Variants in FER observed in about 807,000 individuals in gnomAD.
The protein encoded by FER is FER tyrosine kinase, also known as tyrosine-protein kinase Fer.
In FER, 63 loss-of-function variants were observed where a neutral mutation model predicts 111.0. The ratio of observed to expected loss-of-function variants is 0.57; its 90% CI spans 0.46 to 0.70. The LOEUF is 0.70. Among genes scored for constraint, FER ranks in the 30% least tolerant of loss-of-function variants. FER has a pLI of 0.00. For missense variants in FER, 914 were observed against 954.0 expected, an observed-to-expected ratio of 0.96 and a Z score of 0.55; for synonymous variants, 327 against 313.9, an observed-to-expected ratio of 1.04 and a Z score of -0.44.
intron 13 of FER, among the ~76,000 whole-genome samples, chr5:109,011,327 C>T (rs116529225): frequency 0.028 from 4,313 of 152,108 alleles, 95 homozygotes; most frequent in Non-Finnish European, 0.041. Context: ...GTATGCACAA[C>T]GGAGGACCTC....
Position 108,912,716 on chromosome 5 carries a change from C to T in FER, c.1236+14868C>T, listed in dbSNP as rs533808478. 8.8e-4 allele frequency among the ~76,000 whole-genome samples: 134 copies of T among 152,078 alleles called. 1 individual carries two copies. Among genetic ancestry groups the T allele is most frequent in the South Asian group, 6.2e-4 (3 of 4,820 alleles). ...ATACTGGTTGTAATCACAGACATGA[C>T]GCTATGAAAGAAGAGCAAAACAAGA... On this transcript the variant is annotated intron_variant, in intron 10 of 19. Transcript: ENST00000281092.
At chr5:109,005,020 A>T (rs1200865110) in intron 13 of FER, among the ~76,000 whole-genome samples, 1 of 152,130 alleles carries the variant, frequency 6.6e-6, no homozygotes, top group Non-Finnish European at 1.5e-5. Flanking sequence ...CTCGGAAACT[A>T]GCCACAGTAG....
At chr5:109,054,885 T>C (rs1251869967) in intron 16 of FER, among the ~76,000 whole-genome samples, 2 of 152,244 alleles carry the variant, frequency 1.3e-5, no homozygotes, top group African/African-American at 2.4e-5. Flanking sequence ...CATATTAAAT[T>C]CAGTTTTTCA....
chr5:108,778,053 T>C (rs1200918614), intron 2 of FER, among the ~76,000 whole-genome samples: 1 of 152,212 alleles, frequency 6.6e-6, no homozygotes, highest in African/African-American at 2.4e-5. Context: ...AATTGTGTCA[T>C]ATATAGCCTT....
Position 108,997,703 on chromosome 5 carries a change from G to C in FER, c.1656+38356G>C, listed in dbSNP as rs1384458211. 2.6e-5 allele frequency among the ~76,000 whole-genome samples: 4 copies of C among 152,204 alleles called. No individual in the cohort carries two copies. In the East Asian group the frequency reaches 7.7e-4, roughly 29 times the overall value. ...CTCTTCAGAGCCATCAGGCAGGGACGGTTATGTCTGCTGAAGCTGCTCCCA... is the reference window on the plus strand; with the variant it reads ...CTCTTCAGAGCCATCAGGCAGGGACCGTTATGTCTGCTGAAGCTGCTCCCA... On this transcript the variant is annotated intron_variant, in intron 13 of 19. Coordinates refer to ENST00000281092, the MANE Select transcript of FER (RefSeq NM_005246.4).
At chr5:108,896,974 G>A (rs1463602152) in intron 9 of FER, among the ~76,000 whole-genome samples, 1 of 152,162 alleles carries the variant, frequency 6.6e-6, no homozygotes, top group Non-Finnish European at 1.5e-5. Context: ...TTCAATGTGG[G>A]TGAATTAGTT....
At chr5:108,955,828 C>T (rs2149657853) in intron 12 of FER, among the ~76,000 whole-genome samples, 1 of 151,882 alleles carries the variant, frequency 6.6e-6, no homozygotes, top group African/African-American at 2.4e-5. Context: ...TGTATGTACA[C>T]AGACATGCAC....
intron 13 of FER, among the ~76,000 whole-genome samples, chr5:109,004,568 A>T (rs1360087787): frequency 6.6e-6 from 1 of 152,226 alleles, no homozygotes; most frequent in Non-Finnish European, 1.5e-5. Flanking sequence ...TCATGGTAAT[A>T]TGCTTACAAA....
chr5:109,010,302 C>T (rs1009472066), intron 13 of FER, among the ~76,000 whole-genome samples: 13 of 152,052 alleles, frequency 8.5e-5, no homozygotes, highest in African/African-American at 1.4e-4. Flanking sequence ...AGACTACAGG[C>T]GCCCGCCACC....
chr5:109,140,697 T>G (rs1753431322), intron 17 of FER, among the ~76,000 whole-genome samples: 1 of 152,184 alleles, frequency 6.6e-6, no homozygotes, highest in African/African-American at 2.4e-5. Context: ...ATAGCAAAAT[T>G]TTTAGCCTTA....
chr5:109,146,269 T>TCTATCTA (rs1264626911), intron 17 of FER, among the ~76,000 whole-genome samples: 5 of 52,354 alleles, frequency 9.6e-5, no homozygotes, highest in East Asian at 3.4e-4. Context: ...TATATATATA[T>TCTATCTA]ATATATATAT....
intron 8 of FER, among the ~76,000 whole-genome samples, chr5:108,873,432 A>C (rs549899898): frequency 6.6e-5 from 10 of 152,206 alleles, no homozygotes. Context: ...GGCGTGAGCC[A>C]CTGTGCCCAG....
intron 16 of FER, among the ~76,000 whole-genome samples, chr5:109,049,052 G>A (rs1458883461): frequency 3.9e-5 from 6 of 152,148 alleles, no homozygotes; most frequent in Non-Finnish European, 7.4e-5. Flanking sequence ...TGGACTCACT[G>A]TAAGAATCAT....
Position 109,051,223 on chromosome 5 carries a change from C to T in FER, c.1924+4025C>T, listed in dbSNP as rs192218455. The T allele has an allele frequency of 2.1e-3, 1,721 of 832,152 alleles. 16 individuals are homozygous for T. The African/African-American group carries it at 0.026, about 13-fold the overall frequency. The allele number at this position is 832,152 out of a possible 1,614,324, so 51.5% of individuals were successfully genotyped here. A position where few individuals can be genotyped will look rare whatever the true frequency, so the allele number is the denominator to read the frequency against. Reference sequence around the variant, plus strand: ...TAAGACTGTTGAATACCACCTCCACCGGATCAAAATTAACACCTGGTGCAC... The same window carrying T: ...TAAGACTGTTGAATACCACCTCCACTGGATCAAAATTAACACCTGGTGCAC... On this transcript the variant is annotated intron_variant, in intron 16 of 19. Coordinates refer to ENST00000281092, the MANE Select transcript of FER (RefSeq NM_005246.4).
chr5:108,882,263 C>T (rs1029612148), intron 8 of FER, among the ~76,000 whole-genome samples: 2 of 151,780 alleles, frequency 1.3e-5, no homozygotes, highest in African/African-American at 2.4e-5. Context: ...AATTTTTTCA[C>T]ATCAGTGATG....
chr5:108,771,835 T>G (rs1220594347), intron 2 of FER, among the ~76,000 whole-genome samples: 1 of 152,220 alleles, frequency 6.6e-6, no homozygotes, highest in African/African-American at 2.4e-5. Context: ...GGTAATTTCC[T>G]ACATAATCAC....
At chr5:108,887,970 T>A (rs1236845252) in intron 9 of FER, among the ~76,000 whole-genome samples, 1 of 151,870 alleles carries the variant, frequency 6.6e-6, no homozygotes, top group Non-Finnish European at 1.5e-5. Context: ...TTTTATATCA[T>A]TATCACTTAG....
chr5:109,188,323 G>T lies in FER; in HGVS notation c.*748G>T, dbSNP rs1386325067. 2 of 147,096 alleles carry T rather than the reference G, an allele frequency of 1.4e-5. No homozygotes were observed. Among genetic ancestry groups the T allele is most frequent in the African/African-American group, 2.5e-5 (1 of 40,470 alleles). The allele number at this position is 147,096 out of a possible 1,614,324, so 9.1% of individuals were successfully genotyped here. A position where few individuals can be genotyped will look rare whatever the true frequency, so the allele number is the denominator to read the frequency against. On this transcript the variant is annotated 3_prime_UTR_variant, in exon 20 of 20. Coordinates refer to ENST00000281092, the MANE Select transcript of FER (RefSeq NM_005246.4). ...TCCCTCCTTTGGGAGGCTGAGGCAGGCGGATCACCTGAGGTCAGGAGTTCG... is the reference window on the plus strand; with the variant it reads ...TCCCTCCTTTGGGAGGCTGAGGCAGTCGGATCACCTGAGGTCAGGAGTTCG...
At chr5:108,829,980 G>A (rs1198527588) in intron 3 of FER, among the ~76,000 whole-genome samples, 5 of 152,224 alleles carry the variant, frequency 3.3e-5, no homozygotes, top group Non-Finnish European at 7.3e-5. Flanking sequence ...GCCAGGTGAA[G>A]GTGAGGAAGA....
Sources: gnomAD v4.1 joint callset for allele counts (sites outside exome capture counted in the v4.1 genomes callset) on GRCh38, gnomAD v4.1.1 for gene constraint, MANE v1.5 for transcripts, NCBI Gene and HGNC (gene_info 2026-07-23, HGNC 2026-07-21) for gene names.